Variants in IQANK1 observed in about 807,000 individuals in gnomAD.
The protein encoded by IQANK1 is IQ motif and ankyrin repeat domain-containing protein 1.
A neutral mutation model predicts 22.6 loss-of-function variants in IQANK1; 30 were observed. That is an observed-to-expected ratio of 1.33 (90% CI 0.99 to 1.80). The LOEUF is 1.80. Among genes scored for constraint, IQANK1 ranks in the 40% most tolerant of loss-of-function variants. The probability of loss-of-function intolerance (pLI) is 0.00; values close to 1 mark genes in which losing one functional copy is unlikely to be tolerated. For missense variants in IQANK1, 275 were observed against 235.2 expected, an observed-to-expected ratio of 1.17 and a Z score of -1.11; for synonymous variants, 122 against 99.6, an observed-to-expected ratio of 1.23 and a Z score of -1.34.
chr8:143,765,587 C>T (rs1262800014), intron 3 of IQANK1, among the ~76,000 whole-genome samples: 3 of 152,152 alleles, frequency 2.0e-5, no homozygotes, highest in Non-Finnish European at 4.4e-5. Flanking sequence ...GATTACTTAC[C>T]TGTTTCTTTG....
At chr8:143,757,211 G>A (rs1819309395) in intron 3 of IQANK1, among the ~76,000 whole-genome samples, 1 of 152,214 alleles carries the variant, frequency 6.6e-6, no homozygotes, top group Non-Finnish European at 1.5e-5. Context: ...CCAACTCAAA[G>A]CCACCAGACC....
chr8:143,755,350 G>A (rs1336626098), intron 3 of IQANK1, among the ~76,000 whole-genome samples: 1 of 152,084 alleles, frequency 6.6e-6, no homozygotes, highest in Non-Finnish European at 1.5e-5. Flanking sequence ...CCATGATGTG[G>A]AATAAATATT....
At chr8:143,785,367 A>C (rs985545005) in intron 7 of IQANK1, among the ~76,000 whole-genome samples, 2 of 138,344 alleles carry the variant, frequency 1.4e-5, no homozygotes, top group Admixed American at 7.6e-5. Context: ...AGCGATTCTC[A>C]TGCCTCAGCC....
intron 3 of IQANK1, among the ~76,000 whole-genome samples, chr8:143,748,824 ATATATTTC>A (rs1819103159): frequency 9.0e-6 from 1 of 110,678 alleles, no homozygotes; most frequent in African/African-American, 3.8e-5. Context: ...ATATATAAAT[ATATATTTC>A]ATATATAAAT....
chr8:143,743,820 T>G, intron 3 of IQANK1: 1 of 425,520 alleles, frequency 2.4e-6, no homozygotes, highest in South Asian at 1.7e-5. Flanking sequence ...AGTTTTTAGT[T>G]TCTGAATACT....
chr8:143,765,137 C>T (rs944274767), intron 3 of IQANK1, among the ~76,000 whole-genome samples: 9 of 152,130 alleles, frequency 5.9e-5, no homozygotes, highest in African/African-American at 2.2e-4. Flanking sequence ...GGGCAGATCC[C>T]TTGAGGTCAG....
intron 3 of IQANK1, among the ~76,000 whole-genome samples, chr8:143,748,470 T>C (rs1202758979): frequency 7.1e-6 from 1 of 140,994 alleles, no homozygotes; most frequent in Admixed American, 7.8e-5. Flanking sequence ...ATATACATGA[T>C]ATATAATATA....
chr8:143,788,810 G>A (rs1053955344), intron 7 of IQANK1, 105 bp from the exon 8 acceptor site: 11 of 397,868 alleles, frequency 2.8e-5, no homozygotes, highest in Non-Finnish European at 4.9e-5. Context: ...GGCCCTTTCT[G>A]CATAATGGCA....
chr8:143,734,724 A>T (rs1204751921), intron 1 of IQANK1, among the ~76,000 whole-genome samples: 1 of 151,378 alleles, frequency 6.6e-6, no homozygotes, highest in African/African-American at 2.4e-5. Flanking sequence ...AGCACAGGGG[A>T]CCTCCCTCAC....
chr8:143,776,581 G>A (rs1213060220), intron 7 of IQANK1, among the ~76,000 whole-genome samples: 1 of 152,122 alleles, frequency 6.6e-6, no homozygotes, highest in Non-Finnish European at 1.5e-5. Context: ...GGGGAACGTA[G>A]ACAGAGCCAG....
At position 143,735,055 on chromosome 8, in the gene IQANK1, C is replaced by T. The variant is rs1157743846; in HGVS notation, c.-4-795C>T. ...GTCATCAGTCGCCTTTCTCTTTGTT[C>T]CTCTTGCCATGTGATCCTATTTTCT... On this transcript the variant is annotated intron_variant, in intron 1 of 13. Transcript: ENST00000527139. This position sits in a 1 kb window ranked among gnomAD's most constrained non-coding sequence, Gnocchi z 5.2. 1.3e-5 allele frequency among the ~76,000 whole-genome samples: 2 copies of T among 152,240 alleles called. No individual in the cohort carries two copies. Among genetic ancestry groups the T allele is most frequent in the South Asian group, 2.1e-4 (1 of 4,832 alleles).
chr8:143,739,717 G>A lies in IQANK1; in HGVS notation c.86-142G>A, dbSNP rs945607793. 19 of 573,546 alleles carry A rather than the reference G, an allele frequency of 3.3e-5. No homozygotes were observed. The East Asian group carries it at 5.2e-4, about 16-fold the overall frequency. 35.5% of individuals were successfully genotyped at this position (573,546 alleles called of 1,614,324 possible). ...CCGTGCTCCTTAAGGTTGTCCGTGT[G>A]CTTCCCTCGGGAGGAGGCCCGGGTG... On this transcript the variant is annotated intron_variant, in intron 2 of 13. Transcript: ENST00000527139.
intron 1 of IQANK1, among the ~76,000 whole-genome samples, chr8:143,734,744 C>T (rs1818679624): frequency 6.6e-6 from 1 of 152,042 alleles, no homozygotes; most frequent in African/African-American, 2.4e-5. Context: ...CATACGGAAC[C>T]CTGTGTACAC....
intron 7 of IQANK1, among the ~76,000 whole-genome samples, chr8:143,775,355 GACAC>G (rs1216128730): frequency 4.1e-4 from 41 of 99,540 alleles, no homozygotes; most frequent in African/African-American, 1.2e-3. Context: ...CACACACACA[GACAC>G]ACACACACAC....
intron 7 of IQANK1, among the ~76,000 whole-genome samples, chr8:143,775,823 C>CACACACACACACA (rs57293834): frequency 2.9e-4 from 41 of 140,946 alleles, no homozygotes; most frequent in African/African-American, 1.2e-3. Context: ...CACACACACA[C>CACACACACACACA]CATTCCTAAA....
At chr8:143,742,076 C>G (rs1440223877) in intron 3 of IQANK1, 3 of 332,970 alleles carry the variant, frequency 9.0e-6, no homozygotes, top group Non-Finnish European at 1.8e-5. Flanking sequence ...CCGACTCTCT[C>G]TAGGAGCGTC....
intron 3 of IQANK1, among the ~76,000 whole-genome samples, chr8:143,750,608 A>T (rs1469895178): frequency 6.6e-6 from 1 of 152,046 alleles, no homozygotes; most frequent in African/African-American, 2.4e-5. Flanking sequence ...GGCTGAGATG[A>T]GAGGGTTGCT....
In IQANK1 at chr8:143,772,354, C is replaced by T. The variant is rs1819595869; in HGVS notation, c.664-3C>T. The T allele has an allele frequency of 7.5e-6, 3 of 398,942 alleles. No individual in the cohort carries two copies. In the South Asian group the frequency reaches 3.8e-4, roughly 51 times the overall value. The allele number at this position is 398,942 out of a possible 1,614,324, so 24.7% of individuals were successfully genotyped here. On this transcript the variant is annotated splice_region_variant and splice_polypyrimidine_tract_variant and intron_variant, in intron 6 of 13. Transcript: ENST00000527139. ...GATCTTGCTCGGGGGGCCCGTCTTG[C>T]AGGGCGCTTTCGGTCCGACGCCGCT...
chr8:143,780,721 T>C (rs1339147110), intron 7 of IQANK1, among the ~76,000 whole-genome samples: 1 of 152,224 alleles, frequency 6.6e-6, no homozygotes, highest in Non-Finnish European at 1.5e-5. Flanking sequence ...TTATCTTGTC[T>C]GTCACTGATG....
Sources: allele counts gnomAD v4.1 joint callset (sites outside exome capture counted in the v4.1 genomes callset), GRCh38; gene constraint gnomAD v4.1.1; non-coding constraint Gnocchi (gnomAD v3.1); transcripts MANE v1.5; gene names NCBI Gene and HGNC (gene_info 2026-07-23, HGNC 2026-07-21).